Variants in GRID2 observed in about 807,000 individuals in gnomAD.
GRID2 encodes glutamate receptor ionotropic, delta-2.
In GRID2, 33 loss-of-function variants were observed where a neutral mutation model predicts 114.8. The observed-to-expected ratio is 0.29, with a 90% CI of 0.22 to 0.38. The LOEUF (loss-of-function observed/expected upper bound fraction) is 0.38. GRID2 is among the 10% of genes least tolerant of loss of function. The pLI is 1.00. For synonymous variants in GRID2, 505 were observed against 449.9 expected (o/e 1.12, Z -1.55); for missense variants, 1,184 against 1,257.7 (o/e 0.94, Z 0.89).
intron 14 of GRID2, among the ~76,000 whole-genome samples, chr4:93,705,065 G>A (rs1024177065): frequency 2.6e-5 from 4 of 151,944 alleles, no homozygotes; most frequent in Non-Finnish European, 4.4e-5. Context: ...TTACATTCCC[G>A]CTAACAGTGT....
intron 12 of GRID2, among the ~76,000 whole-genome samples, chr4:93,510,436 A>G (rs1277444290): frequency 1.3e-5 from 2 of 152,172 alleles, no homozygotes; most frequent in African/African-American, 4.8e-5. Flanking sequence ...GTGAAAGTTT[A>G]CCACAGAGGG....
At chr4:93,150,602 T>G (rs1736645512) in intron 4 of GRID2, among the ~76,000 whole-genome samples, 1 of 152,090 alleles carries the variant, frequency 6.6e-6, no homozygotes, top group South Asian at 2.1e-4. Flanking sequence ...CCAGAGAGCC[T>G]GTTCTGGCCA....
At chr4:93,684,827 C>T (rs1028516196) in intron 14 of GRID2, among the ~76,000 whole-genome samples, 4 of 152,000 alleles carry the variant, frequency 2.6e-5, no homozygotes, top group African/African-American at 9.7e-5. Context: ...ATGAAGTACA[C>T]AAATGGGGCT....
chr4:93,562,090 A>G (rs1421722544), intron 13 of GRID2, among the ~76,000 whole-genome samples: 2 of 152,128 alleles, frequency 1.3e-5, no homozygotes, highest in Non-Finnish European at 2.9e-5. Context: ...GTTTAGTAAG[A>G]CACCACCAAA....
intron 1 of GRID2, among the ~76,000 whole-genome samples, chr4:92,332,717 G>A (rs893536232): frequency 1.3e-5 from 2 of 152,164 alleles, no homozygotes; most frequent in African/African-American, 2.4e-5. Flanking sequence ...GATAGGCATA[G>A]GGTAGACATT....
chr4:93,042,536 TAGAG>T (rs1725664235), intron 2 of GRID2, among the ~76,000 whole-genome samples: 1 of 147,586 alleles, frequency 6.8e-6, no homozygotes, highest in Non-Finnish European at 1.5e-5. Flanking sequence ...TTATATCTAA[TAGAG>T]AGAATCAGTG....
At chr4:93,808,191 A>C (rs1422633173) in exon 2 of GRID2, 1 of 152,174 alleles carries the variant, frequency 6.6e-6, no homozygotes, top group Non-Finnish European at 1.5e-5. Flanking sequence ...CATCAAACTG[A>C]TAACCCTCAA....
chr4:93,285,049 A>G (rs1455426215), intron 8 of GRID2, among the ~76,000 whole-genome samples: 2 of 152,064 alleles, frequency 1.3e-5, no homozygotes, highest in Non-Finnish European at 2.9e-5. Context: ...GTCTCTCAAT[A>G]TCTCATCTGA....
chr4:93,293,377 AAG>A (rs1266811336), intron 8 of GRID2, among the ~76,000 whole-genome samples: 17 of 152,304 alleles, frequency 1.1e-4, no homozygotes, highest in African/African-American at 4.1e-4. Context: ...TTTATGGAAT[AAG>A]AGAAATTTAA....
intron 2 of GRID2, among the ~76,000 whole-genome samples, chr4:92,932,079 T>C (rs1265682656): frequency 1.3e-5 from 2 of 150,948 alleles, no homozygotes; most frequent in Non-Finnish European, 3.0e-5. Context: ...CATGAAAAAA[T>C]TGATGACATT....
At chr4:92,631,385 G>C (rs1730802876) in intron 2 of GRID2, among the ~76,000 whole-genome samples, 2 of 151,976 alleles carry the variant, frequency 1.3e-5, no homozygotes, top group South Asian at 4.1e-4. Flanking sequence ...TGAAACCCTT[G>C]AGTTATTTTA....
intron 1 of GRID2, among the ~76,000 whole-genome samples, chr4:92,497,079 C>G (rs73837313): frequency 0.02 from 3,098 of 151,562 alleles, 120 homozygotes; most frequent in African/African-American, 0.071. Flanking sequence ...TTTTAGTCTT[C>G]TTTTACAAAT....
chr4:93,624,377 A>G (rs1259223197), intron 13 of GRID2, among the ~76,000 whole-genome samples: 2 of 152,052 alleles, frequency 1.3e-5, no homozygotes, highest in Non-Finnish European at 1.5e-5. Flanking sequence ...AATAATGTTA[A>G]TTTTGGATTA....
intron 12 of GRID2, among the ~76,000 whole-genome samples, chr4:93,492,444 C>T (rs1469192997): frequency 6.6e-6 from 1 of 151,778 alleles, no homozygotes; most frequent in African/African-American, 2.4e-5. Context: ...CATGTTAGTT[C>T]CCACACCACA....
chr4:93,524,933 C>T (rs1354262131), intron 13 of GRID2, among the ~76,000 whole-genome samples: 1 of 150,104 alleles, frequency 6.7e-6, no homozygotes, highest in African/African-American at 2.4e-5. Context: ...TACTACCAAC[C>T]TGCTGTTGAC....
At chr4:93,676,258 T>C (rs1048515672) in intron 14 of GRID2, among the ~76,000 whole-genome samples, 2 of 152,172 alleles carry the variant, frequency 1.3e-5, no homozygotes, top group African/African-American at 4.8e-5. Flanking sequence ...TTTGGGTAAA[T>C]TATTGTTGAA....
chr4:93,038,730 A>C (rs1206055809), intron 2 of GRID2, among the ~76,000 whole-genome samples: 6 of 151,906 alleles, frequency 3.9e-5, no homozygotes, highest in Non-Finnish European at 5.9e-5. Flanking sequence ...GGCGGAGCTT[A>C]GAGTGAGCTG....
chr4:92,622,302 G>T (rs1194875841), intron 2 of GRID2, among the ~76,000 whole-genome samples: 1 of 151,616 alleles, frequency 6.6e-6, no homozygotes, highest in African/African-American at 2.4e-5. Flanking sequence ...TTGCTTTACT[G>T]TTTTCATGGT....
At chr4:93,796,303 G>A (rs1734799062) in intron 1 of GRID2, among the ~76,000 whole-genome samples, 1 of 152,174 alleles carries the variant, frequency 6.6e-6, no homozygotes, top group African/African-American at 2.4e-5. Flanking sequence ...TACACGCAAA[G>A]AAGGAGGATT....
Sources: allele counts gnomAD v4.1 joint callset (sites outside exome capture counted in the v4.1 genomes callset), GRCh38; gene constraint gnomAD v4.1.1; transcripts MANE v1.5; gene names NCBI Gene and HGNC (gene_info 2026-07-23, HGNC 2026-07-21).